The following FLT3 variants were observed in gnomAD, a reference collection of about 807,000 sequenced individuals.
The protein encoded by FLT3 is fms related receptor tyrosine kinase 3.
In FLT3, 46 loss-of-function variants were observed where a neutral mutation model predicts 126.6. The ratio of observed to expected loss-of-function variants is 0.36; its 90% CI spans 0.29 to 0.46. The LOEUF is 0.46. Among genes scored for constraint, FLT3 ranks in the 20% least tolerant of loss-of-function variants. The pLI is 1.00. For synonymous variants in FLT3, 404 were observed against 434.4 expected (o/e 0.93, Z 0.87); for missense variants, 1,069 against 1,190.3 (o/e 0.90, Z 1.50).
chr13:28,049,341 G>A lies in FLT3; in HGVS notation c.1036+43C>T, dbSNP rs376576476. ...CATACTTCACATTCCACACTACAGC[G>A]ACTAAAAATAGGAATAAAGATTGTG... On this transcript the variant is annotated intron_variant, in intron 8 of 23. Transcript: ENST00000241453. The A allele has an allele frequency of 7.4e-5, 116 of 1,567,386 alleles. No individual in the cohort carries two copies. The African/African-American group carries it at 1.2e-3, about 16-fold the overall frequency.
chr13:28,024,815 C>T lies in FLT3; in HGVS notation c.2290+46G>A, dbSNP rs367622184. The T allele has an allele frequency of 1.5e-5, 18 of 1,217,854 alleles. No homozygotes were observed. The African/African-American group carries it at 2.5e-4, about 17-fold the overall frequency. 75.4% of individuals were successfully genotyped at this position (1,217,854 alleles called of 1,614,324 possible). A position where few individuals can be genotyped will look rare whatever the true frequency, so the allele number is the denominator to read the frequency against. Reference sequence around the variant, plus strand: ...AAAAATAGCTAACATAAAACTTTTGCATTCATTTCCATTTTAAAGTGCTAC... The same window carrying T: ...AAAAATAGCTAACATAAAACTTTTGTATTCATTTCCATTTTAAAGTGCTAC... On this transcript the variant is annotated intron_variant, in intron 18 of 23. Coordinates refer to ENST00000241453, the MANE Select transcript of FLT3 (RefSeq NM_004119.3).
chr13:28,059,651 T>A (rs1566089614), intron 3 of FLT3, among the ~76,000 whole-genome samples: 1 of 152,110 alleles, frequency 6.6e-6, no homozygotes, highest in Non-Finnish European at 1.5e-5. Context: ...AAATTTCCTT[T>A]AAAAAAATTT....
chr13:28,004,227 T>A (rs753185298), intron 23 of FLT3, 53 bp from the exon 24 acceptor site: 40 of 1,567,782 alleles, frequency 2.6e-5, no homozygotes, highest in Non-Finnish European at 3.5e-5. Flanking sequence ...TAGATGCACA[T>A]GTTATGCGCC....
In FLT3 at chr13:28,034,134, T is replaced by C. The variant is rs748696886; in HGVS notation, c.1785A>G (p.Arg595=). The change falls in exon 14 of 24, where the codon AGA becomes AGG. Residue 595 remains arginine (R), a synonymous_variant. Transcript: ENST00000241453. ...CCCATTTGAGATCATATTCATATTC[T>C]CTGAAATCAACGTAGAAGTACTCAT... The part of the protein sequence containing the change: ...SDNEYFYVDF[R]EYEYDLKWEF... The C allele has an allele frequency of 3.7e-6, 6 of 1,613,976 alleles. No homozygotes were observed. In the African/African-American group the frequency reaches 8.0e-5, roughly 22 times the overall value.
chr13:28,097,755 C>A (rs188156788), intron 1 of FLT3, among the ~76,000 whole-genome samples: 1 of 152,282 alleles, frequency 6.6e-6, no homozygotes, highest in East Asian at 1.9e-4. Flanking sequence ...GAATCATTCC[C>A]CCTTGGGCTA....
intron 9 of FLT3, among the ~76,000 whole-genome samples, chr13:28,046,221 C>G (rs756796594): frequency 6.6e-6 from 1 of 152,158 alleles, no homozygotes; most frequent in East Asian, 1.9e-4. Flanking sequence ...AAAATGAATG[C>G]TCTGAACATT....
At chr13:28,040,235 A>T (rs1874223196) in intron 9 of FLT3, among the ~76,000 whole-genome samples, 1 of 152,198 alleles carries the variant, frequency 6.6e-6, no homozygotes, top group African/African-American at 2.4e-5. Context: ...GAGTGTGGGA[A>T]GTTTCTGTGA....
intron 1 of FLT3, among the ~76,000 whole-genome samples, chr13:28,094,397 T>G (rs903205779): frequency 8.5e-5 from 13 of 152,202 alleles, no homozygotes; most frequent in Admixed American, 3.3e-4. Context: ...AATGTATATT[T>G]TTTTACTGTT....
intron 1 of FLT3, among the ~76,000 whole-genome samples, chr13:28,093,725 A>G (rs1161836390): frequency 6.6e-6 from 1 of 152,088 alleles, no homozygotes; most frequent in African/African-American, 2.4e-5. Context: ...TTACCTTCTC[A>G]GTCTGGGTTA....
At chr13:28,039,725 T>A (rs1274161204) in intron 9 of FLT3, among the ~76,000 whole-genome samples, 1 of 152,028 alleles carries the variant, frequency 6.6e-6, no homozygotes, top group Non-Finnish European at 1.5e-5. Flanking sequence ...ATTTTTATAT[T>A]TTTCATAGAG....
At chr13:28,067,801 T>C (rs1214834186) in intron 2 of FLT3, 4 of 210,138 alleles carry the variant, frequency 1.9e-5, no homozygotes, top group African/African-American at 7.1e-5. Flanking sequence ...CACCATTCTT[T>C]CCCAAATCCT....
intron 1 of FLT3, among the ~76,000 whole-genome samples, chr13:28,075,160 T>C (rs141286949): frequency 9.8e-5 from 15 of 152,352 alleles, no homozygotes; most frequent in Non-Finnish European, 2.1e-4. Context: ...AATATATGCA[T>C]ACATTGTGGA....
At chr13:28,044,129 G>C (rs934928854) in intron 9 of FLT3, among the ~76,000 whole-genome samples, 14 of 151,108 alleles carry the variant, frequency 9.3e-5, no homozygotes, top group Admixed American at 4.6e-4. Context: ...CTGGGTGACA[G>C]AGCGAGACTC....
rs140799826 is a variant in FLT3 at position 28,082,670 on chromosome 13, TTTTTGTTTTGTTTTGTTTTG to T, written c.44-12078_44-12059del. ...GTCAGGAGCCACGACGCCCAGCTAA[TTTTTGTTTTGTTTTGTTTTG>T]TTTTGTTTTGTTTTGTTTTGTTTTG... On this transcript the variant is annotated intron_variant, in intron 1 of 23. Transcript: ENST00000241453. Among the ~76,000 whole-genome samples, 283 of 143,520 alleles carry T rather than the reference TTTTTGTTTTGTTTTGTTTTG, an allele frequency of 2.0e-3. 2 individuals are homozygous for T. The highest frequency in any genetic ancestry group is 6.4e-3 in the African/African-American group (246 of 38,606). The allele number at this position is 143,520 out of a possible 152,430, so 94.2% of individuals were successfully genotyped here. A position where few individuals can be genotyped will look rare whatever the true frequency, so the allele number is the denominator to read the frequency against.
In FLT3 at chr13:28,024,907, G is replaced by A. The variant is rs1243212325; in HGVS notation, c.2244C>T (p.Asp748=). 1 of 1,612,454 alleles carries A rather than the reference G, an allele frequency of 6.2e-7. No homozygotes were observed. The highest frequency in any genetic ancestry group is 1.3e-5 in the African/African-American group (1 of 75,018). The change falls in exon 18 of 24, where the codon GAC becomes GAT. Residue 748 remains aspartate (D), a synonymous_variant. Transcript: ENST00000241453. ...PGSREVQIHP[D]SDQISGLHGN... ...CATGAAGCCCTGAGATTTGATCCGAGTCCGGGTGTATCTGAACTTCTCTTG... is the reference window on the plus strand; with the variant it reads ...CATGAAGCCCTGAGATTTGATCCGAATCCGGGTGTATCTGAACTTCTCTTG...
rs561706560 is a variant in FLT3 at position 28,026,211 on chromosome 13, G to A, written c.2207+877C>T. 4.6e-5 allele frequency among the ~76,000 whole-genome samples: 7 copies of A among 152,056 alleles called. 1 individual carries two copies. In the South Asian group the frequency reaches 1.2e-3, roughly 27 times the overall value. ...ACTAAAAATACAAAATTAGCTGGGC[G>A]TGGTGGCACATGCCTGTAATCTCAG... On this transcript the variant is annotated intron_variant, in intron 17 of 23. Transcript: ENST00000241453.
At chr13:28,062,737 CT>C (rs1278293806) in intron 2 of FLT3, among the ~76,000 whole-genome samples, 4 of 38,062 alleles carry the variant, frequency 1.1e-4, no homozygotes, top group Non-Finnish European at 1.5e-4. Context: ...GAGTGAAACT[CT>C]GTCTCAAAAA....
At chr13:28,044,177 G>A (rs4771205) in intron 9 of FLT3, among the ~76,000 whole-genome samples, 23,436 of 150,010 alleles carry the variant, frequency 0.16, 2,064 homozygotes, top group Middle Eastern at 0.27. Flanking sequence ...GGCCAGGCGC[G>A]GTGGTTCATA....
At chr13:28,097,851 C>T (rs892464149) in intron 1 of FLT3, among the ~76,000 whole-genome samples, 7 of 152,114 alleles carry the variant, frequency 4.6e-5, no homozygotes, top group African/African-American at 1.4e-4. Context: ...GCTTTGAATA[C>T]GAATTTTTTT....
Sources: gnomAD v4.1 joint callset for allele counts (sites outside exome capture counted in the v4.1 genomes callset) on GRCh38, gnomAD v4.1.1 for gene constraint, MANE v1.5 for transcripts, NCBI Gene and HGNC (gene_info 2026-07-23, HGNC 2026-07-21) for gene names.